Variants in SCAF8 observed in about 807,000 individuals in gnomAD.
SCAF8 encodes the protein SR-related and CTD-associated factor 8.
Under a neutral mutation model 140.5 loss-of-function variants are expected in SCAF8, and 23 were observed. The ratio of observed to expected loss-of-function variants is 0.16; its 90% CI spans 0.12 to 0.23. The LOEUF (loss-of-function observed/expected upper bound fraction) is 0.23. Ranked by LOEUF, SCAF8 falls within the 10% of genes least tolerant of loss-of-function variation. SCAF8 has a pLI of 1.00. For missense variants in SCAF8, 1,397 were observed against 1,555.7 expected, an observed-to-expected ratio of 0.90 and a Z score of 1.72; for synonymous variants, 575 against 528.9, an observed-to-expected ratio of 1.09 and a Z score of -1.20.
intron 13 of SCAF8, among the ~76,000 whole-genome samples, chr6:154,816,665 GT>G (rs1000824701): frequency 2.0e-5 from 3 of 152,136 alleles, no homozygotes; most frequent in African/African-American, 7.2e-5. Flanking sequence ...TGTGGTTACA[GT>G]TTTATGTCTG....
At chr6:154,820,967 T>C (rs555456176) in intron 15 of SCAF8, among the ~76,000 whole-genome samples, 210 of 152,340 alleles carry the variant, frequency 1.4e-3, no homozygotes, top group African/African-American at 4.6e-3. Flanking sequence ...CTTAGCTCTT[T>C]TATCAGAGTT....
intron 15 of SCAF8, 167 bp from the exon 16 acceptor site, chr6:154,822,109 A>G (rs371908524): frequency 1.7e-6 from 1 of 574,524 alleles, no homozygotes; most frequent in South Asian, 3.7e-5. Context: ...TAGTATCCTA[A>G]TCAGATTAAT....
At chr6:154,809,511 C>T (rs1003536700) in intron 11 of SCAF8, among the ~76,000 whole-genome samples, 3 of 152,252 alleles carry the variant, frequency 2.0e-5, no homozygotes, top group African/African-American at 7.2e-5. Context: ...CTTCATTTGT[C>T]ATTAGCAGCA....
intron 1 of SCAF8, among the ~76,000 whole-genome samples, chr6:154,744,450 T>C (rs1778647505): frequency 6.6e-6 from 1 of 152,262 alleles, no homozygotes; most frequent in Non-Finnish European, 1.5e-5. Context: ...TGTTTTATAC[T>C]CTGCCCTCTT....
intron 6 of SCAF8, 149 bp downstream of exon 6, chr6:154,795,288 CATTT>C (rs1777568825): frequency 1.7e-6 from 1 of 574,674 alleles, no homozygotes; most frequent in Admixed American, 3.9e-5. Flanking sequence ...TTACTTAAGT[CATTT>C]AATAGTGCAT....
In SCAF8 at chr6:154,742,085, A is replaced by C. The variant is rs1420532193; in HGVS notation, c.30+8155A>C. 2.0e-5 allele frequency: 21 copies of C among 1,052,388 alleles called. No individual in the cohort carries two copies. In the East Asian group the frequency reaches 4.0e-4, roughly 20 times the overall value. The allele number at this position is 1,052,388 out of a possible 1,614,324, so 65.2% of individuals were successfully genotyped here. A position where few individuals can be genotyped will look rare whatever the true frequency, so the allele number is the denominator to read the frequency against. The stretch of plus-strand genomic sequence containing the variant: ...ATGTTAGGTTTCAATTGGTAGTGGA[A>C]TAGTGTATTTGATTATATGGTTAGT... On this transcript the variant is annotated intron_variant, in intron 1 of 19. Transcript: ENST00000367178.
At position 154,766,545 on chromosome 6, in the gene SCAF8, T is replaced by G. The variant is rs558227956; in HGVS notation, c.31-7444T>G. Among the ~76,000 whole-genome samples the G allele has an allele frequency of 2.6e-5, 4 of 152,246 alleles. No homozygotes were observed. The East Asian group carries it at 5.8e-4, about 22-fold the overall frequency. ...TGCTTCCTGACCGTCTGGCACTGGT[T>G]TGGAAGCACTCTTCTTCATCAAGTT... is the stretch of plus-strand genomic sequence containing the variant. On this transcript the variant is annotated intron_variant, in intron 1 of 19. Coordinates refer to ENST00000367178, the MANE Select transcript of SCAF8 (RefSeq NM_014892.5).
At chr6:154,777,373 G>A (rs1017714647) in intron 2 of SCAF8, among the ~76,000 whole-genome samples, 3 of 152,018 alleles carry the variant, frequency 2.0e-5, no homozygotes, top group Non-Finnish European at 4.4e-5. Flanking sequence ...AATCTTCTAA[G>A]TTTTCTTAAA....
chr6:154,752,942 G>A (rs889177581), intron 1 of SCAF8, among the ~76,000 whole-genome samples: 9 of 151,888 alleles, frequency 5.9e-5, no homozygotes, highest in Middle Eastern at 3.2e-3. Context: ...TCATTGTTCC[G>A]TTAAATCCAG....
chr6:154,798,022 GTTGT>G (rs1009518573), intron 6 of SCAF8, among the ~76,000 whole-genome samples: 1 of 151,260 alleles, frequency 6.6e-6, no homozygotes, highest in Non-Finnish European at 1.5e-5. Context: ...CACTTCATTG[GTTGT>G]TTTTCATTCA....
At position 154,779,812 on chromosome 6, in the gene SCAF8, T is replaced by A. The variant is rs1405284484; in HGVS notation, c.159+1767T>A. ...ATATATATATATATACACTTTTTTT[T>A]TATACTTTTGAGCTAATTGTAGATT... On this transcript the variant is annotated intron_variant, in intron 3 of 19. Transcript: ENST00000367178. Among the ~76,000 whole-genome samples, 3 of 151,772 alleles carry A rather than the reference T, an allele frequency of 2.0e-5. No individual in the cohort carries two copies. In the East Asian group the frequency reaches 5.8e-4, roughly 29 times the overall value.
At chr6:154,741,925 C>G in intron 1 of SCAF8, 1 of 1,481,812 alleles carries the variant, frequency 6.7e-7, no homozygotes, top group Non-Finnish European at 9.1e-7. Context: ...GTTTTGTGTT[C>G]TCAACATCTT....
At position 154,812,454 on chromosome 6, in the gene SCAF8, G is replaced by C. The variant is rs959184567; in HGVS notation, c.1420+2246G>C. ...ACAACTTATGTGCCTTAACCTTACT[G>C]TGATATCTGCTTTATTGTGGTGGTC... On this transcript the variant is annotated intron_variant, in intron 12 of 19. Coordinates refer to ENST00000367178, the MANE Select transcript of SCAF8 (RefSeq NM_014892.5). 3.3e-5 allele frequency among the ~76,000 whole-genome samples: 5 copies of C among 152,014 alleles called. No homozygotes were observed. In the East Asian group the frequency reaches 9.6e-4, roughly 29 times the overall value.
intron 1 of SCAF8, among the ~76,000 whole-genome samples, chr6:154,743,622 T>TACTTTAGTGTGTAGAACTTGGG (rs1165068802): frequency 6.6e-6 from 1 of 152,244 alleles, no homozygotes; most frequent in African/African-American, 2.4e-5. Flanking sequence ...GTTTGCCATG[T>TACTTTAGTGTGTAGAACTTGGG]ACTTTAGTGT....
intron 1 of SCAF8, among the ~76,000 whole-genome samples, chr6:154,765,164 G>A (rs114261820): frequency 4.6e-4 from 70 of 152,272 alleles, no homozygotes; most frequent in African/African-American, 1.6e-3. Context: ...GTTAGTTATA[G>A]TGTCATTCAT....
At chr6:154,788,514 T>C (rs1554261027) in intron 4 of SCAF8, among the ~76,000 whole-genome samples, 3 of 152,238 alleles carry the variant, frequency 2.0e-5, no homozygotes, top group Non-Finnish European at 4.4e-5. Context: ...TTTGAATTTC[T>C]CAAACAGAGA....
chr6:154,826,407 G>T (rs1562466220), intron 17 of SCAF8, among the ~76,000 whole-genome samples: 1 of 152,016 alleles, frequency 6.6e-6, no homozygotes, highest in Non-Finnish European at 1.5e-5. Context: ...TTAAATATGT[G>T]TATCATGTAA....
At chr6:154,775,064 T>C (rs551970557) in intron 2 of SCAF8, among the ~76,000 whole-genome samples, 8 of 152,370 alleles carry the variant, frequency 5.3e-5, no homozygotes, top group East Asian at 1.9e-4. Context: ...ATTTAAATTA[T>C]CTTTTAAATA....
At chr6:154,744,647 T>A (rs1362976118) in intron 1 of SCAF8, among the ~76,000 whole-genome samples, 14 of 152,224 alleles carry the variant, frequency 9.2e-5, no homozygotes, top group Admixed American at 8.5e-4. Flanking sequence ...CCTCTGGTGC[T>A]AGGTGTAAAG....
Sources: allele counts gnomAD v4.1 joint callset (sites outside exome capture counted in the v4.1 genomes callset), GRCh38; gene constraint gnomAD v4.1.1; transcripts MANE v1.5; gene names NCBI Gene and HGNC (gene_info 2026-07-23, HGNC 2026-07-21).